The following ALCAM variants were observed in gnomAD, a reference collection of about 807,000 sequenced individuals.
The protein encoded by ALCAM is activated leukocyte cell adhesion molecule, also known as CD166 antigen.
Under a neutral mutation model 70.9 loss-of-function variants are expected in ALCAM, and 30 were observed. The ratio of observed to expected loss-of-function variants is 0.42; its 90% CI spans 0.32 to 0.57. The LOEUF (loss-of-function observed/expected upper bound fraction) is 0.57. ALCAM is among the 20% of genes least tolerant of loss of function. The pLI, the probability that ALCAM is intolerant of heterozygous loss-of-function variation, is 0.11. For missense variants in ALCAM, 591 were observed against 695.1 expected (o/e 0.85, Z 1.68); for synonymous variants, 249 against 242.5 (o/e 1.03, Z -0.25).
intron 1 of ALCAM, among the ~76,000 whole-genome samples, chr3:105,377,434 A>G (rs577064039): frequency 9.9e-5 from 15 of 152,270 alleles, no homozygotes; most frequent in African/African-American, 3.6e-4. Flanking sequence ...CAAAGAGTAC[A>G]CATCTTTAAA....
chr3:105,466,148 C>G (rs1157863308), intron 1 of ALCAM, among the ~76,000 whole-genome samples: 1 of 151,250 alleles, frequency 6.6e-6, no homozygotes, highest in Non-Finnish European at 1.5e-5. Flanking sequence ...ACTTATTATC[C>G]CTGCTCCATG....
rs147777853 is a variant in ALCAM, at chr3:105,524,357, C to T, written c.243C>T (p.Asp81=). 4.9e-4 allele frequency: 789 copies of T among 1,614,008 alleles called. 4 individuals carry two copies. The African/African-American group carries it at 9.2e-3, about 19-fold the overall frequency. The part of the protein sequence containing the change: ...RSSTKKSVQY[D]DVPEYKDRLN... ...CTACAAAGAAAAGTGTGCAGTACGA[C>T]GATGTACCAGAATACAAAGACAGAT... The change falls in exon 3 of 16, where the codon GAC becomes GAT. Residue 81 remains aspartate, a synonymous_variant. Transcript: ENST00000306107.
chr3:105,396,589 A>C (rs777940875), intron 1 of ALCAM, among the ~76,000 whole-genome samples: 5 of 152,076 alleles, frequency 3.3e-5, no homozygotes. Context: ...ATTAATTTCT[A>C]GTAGATTTAA....
chr3:105,492,432 C>T (rs1179351249), intron 1 of ALCAM, among the ~76,000 whole-genome samples: 1 of 152,166 alleles, frequency 6.6e-6, no homozygotes, highest in Non-Finnish European at 1.5e-5. Flanking sequence ...ACTACCAATT[C>T]CTTTGTTAAT....
intron 1 of ALCAM, among the ~76,000 whole-genome samples, chr3:105,454,932 G>A (rs1311682848): frequency 6.6e-6 from 1 of 151,278 alleles, no homozygotes; most frequent in Admixed American, 6.6e-5. Flanking sequence ...TGCTGGCCTC[G>A]GCCTCCCAAA....
At chr3:105,383,539 G>A (rs1375796580) in intron 1 of ALCAM, among the ~76,000 whole-genome samples, 1 of 151,702 alleles carries the variant, frequency 6.6e-6, no homozygotes, top group African/African-American at 2.4e-5. Context: ...TATCTACATT[G>A]AGAAAATTGT....
At chr3:105,526,545 A>G (rs1361665546) in intron 3 of ALCAM, among the ~76,000 whole-genome samples, 1 of 152,158 alleles carries the variant, frequency 6.6e-6, no homozygotes, top group African/African-American at 2.4e-5. Flanking sequence ...CAGAATTTGC[A>G]TTCCAGGCTG....
rs368856444 is a variant in ALCAM at position 105,547,543 on chromosome 3, T to G, written c.1374+20T>G. 2.1e-5 allele frequency: 33 copies of G among 1,603,902 alleles called. No individual in the cohort carries two copies. The highest frequency in any genetic ancestry group is 2.5e-5 in the Non-Finnish European group (29 of 1,175,314). ...AACCAAGCAAGTATTTGTCTTCTTG[T>G]TATATGCTGCACTTCGTCCAATGCG... On this transcript the variant is annotated intron_variant, in intron 11 of 15. Transcript: ENST00000306107.
chr3:105,487,496 G>A (rs115498068), intron 1 of ALCAM, among the ~76,000 whole-genome samples: 5,203 of 152,106 alleles, frequency 0.034, 142 homozygotes, highest in Non-Finnish European at 0.056. Flanking sequence ...AAGTGTTTCT[G>A]CCCCCAGGTT....
chr3:105,509,113 C>A (rs1939164158), intron 1 of ALCAM, among the ~76,000 whole-genome samples: 2 of 152,054 alleles, frequency 1.3e-5, no homozygotes, highest in African/African-American at 4.8e-5. Flanking sequence ...TTTATCCTTT[C>A]ATCCATAAAT....
intron 1 of ALCAM, among the ~76,000 whole-genome samples, chr3:105,447,789 A>G (rs191381821): frequency 2.6e-5 from 4 of 152,350 alleles, no homozygotes; most frequent in African/African-American, 9.6e-5. Context: ...CGTATTTTTG[A>G]CAAGTGCTTT....
chr3:105,522,906 G>A (rs1337591820), intron 2 of ALCAM, among the ~76,000 whole-genome samples: 7 of 152,254 alleles, frequency 4.6e-5, no homozygotes, highest in African/African-American at 1.7e-4. Flanking sequence ...TTGGGAGGCC[G>A]AGGCGGGCGG....
chr3:105,450,324 C>CT (rs1347054743), intron 1 of ALCAM, among the ~76,000 whole-genome samples: 1 of 152,160 alleles, frequency 6.6e-6, no homozygotes, highest in Non-Finnish European at 1.5e-5. Context: ...GCATTACTCC[C>CT]TTTGCTCTCC....
At chr3:105,493,845 CT>C (rs1938657032) in intron 1 of ALCAM, among the ~76,000 whole-genome samples, 1 of 152,170 alleles carries the variant, frequency 6.6e-6, no homozygotes, top group Non-Finnish European at 1.5e-5. Flanking sequence ...ACCAGGCTCT[CT>C]GCTAAGTACT....
At chr3:105,570,640 G>A (rs369696891) in intron 14 of ALCAM, among the ~76,000 whole-genome samples, 11 of 152,118 alleles carry the variant, frequency 7.2e-5, no homozygotes, top group East Asian at 5.8e-4. Context: ...AGCAATCACC[G>A]GTAAAATAAA....
At chr3:105,448,906 G>T (rs1011636192) in intron 1 of ALCAM, among the ~76,000 whole-genome samples, 1 of 152,126 alleles carries the variant, frequency 6.6e-6, no homozygotes, top group African/African-American at 2.4e-5. Flanking sequence ...CAACAATGGG[G>T]GCAGGGCTTC....
chr3:105,410,266 G>T (rs1936353352), intron 1 of ALCAM, among the ~76,000 whole-genome samples: 1 of 151,958 alleles, frequency 6.6e-6, no homozygotes, highest in Non-Finnish European at 1.5e-5. Flanking sequence ...TTAGCACAAT[G>T]GGAAAGGCAG....
intron 1 of ALCAM, among the ~76,000 whole-genome samples, chr3:105,369,241 A>C (rs1002808080): frequency 6.6e-6 from 1 of 152,196 alleles, no homozygotes; most frequent in African/African-American, 2.4e-5. Context: ...GTGCCGTCAC[A>C]GGCGGGCCAC....
rs200194768 is a variant in ALCAM, at chr3:105,516,673, TAA to T, written c.74-3393_74-3392del. Among the ~76,000 whole-genome samples the T allele has an allele frequency of 5.7e-3, 869 of 152,264 alleles. 10 individuals carry two copies. The highest frequency in any genetic ancestry group is 0.02 in the African/African-American group (826 of 41,562). ...GACATTTTAATAGCAACAGTAATAA[TAA>T]GTCATAAAATGTCTTAAATTTATAA... On this transcript the variant is annotated intron_variant, in intron 1 of 15. Coordinates refer to ENST00000306107, the MANE Select transcript of ALCAM (RefSeq NM_001627.4).
Sources: allele counts gnomAD v4.1 joint callset (sites outside exome capture counted in the v4.1 genomes callset), GRCh38; gene constraint gnomAD v4.1.1; transcripts MANE v1.5; gene names NCBI Gene and HGNC (gene_info 2026-07-23, HGNC 2026-07-21).